Variants in NKAIN3 observed in about 807,000 individuals in gnomAD.
NKAIN3 encodes sodium/potassium-transporting ATPase subunit beta-1-interacting protein 3.
Under a neutral mutation model 30.2 loss-of-function variants are expected in NKAIN3, and 25 were observed. That is an observed-to-expected ratio of 0.83 (90% CI 0.60 to 1.16). NKAIN3 has a LOEUF of 1.16. Among genes scored for constraint, NKAIN3 ranks in the 50% most tolerant of loss-of-function variants. The pLI is 0.00. For synonymous variants in NKAIN3, 91 were observed against 89.6 expected (o/e 1.02, Z -0.09); for missense variants, 225 against 254.1 (o/e 0.89, Z 0.78).
rs965166212 is a variant in NKAIN3 at position 62,856,338 on chromosome 8, C to A, written c.472-62115C>A. ...TTTGATGAGCTTCAGCTTTAACCTG[C>A]TTAGTGCTTGCTTCCTGGTCTCCTT... On this transcript the variant is annotated intron_variant, in intron 4 of 6. Transcript: ENST00000623646. 19 of 918,498 alleles carry A rather than the reference C, an allele frequency of 2.1e-5. No individual in the cohort carries two copies. The Admixed American group carries it at 2.9e-4, about 14-fold the overall frequency. The allele number at this position is 918,498 out of a possible 1,614,324, so 56.9% of individuals were successfully genotyped here.
At chr8:62,771,448 CTT>C (rs1270403960) in intron 4 of NKAIN3, among the ~76,000 whole-genome samples, 9 of 151,800 alleles carry the variant, frequency 5.9e-5, no homozygotes, top group South Asian at 2.1e-4. Context: ...AAGCATTAAA[CTT>C]GAGAAACAGA....
intron 1 of NKAIN3, among the ~76,000 whole-genome samples, chr8:62,407,281 A>ATG (rs931868759): frequency 1.6e-4 from 25 of 151,516 alleles, no homozygotes; most frequent in South Asian, 6.2e-4. Context: ...TTATATGTAT[A>ATG]TGTGTGTATA....
At position 62,966,084 on chromosome 8, in the gene NKAIN3, A is replaced by T; in HGVS notation, c.*677A>T. 1 of 983,956 alleles carries T rather than the reference A, an allele frequency of 1.0e-6. No homozygotes were observed. Among genetic ancestry groups the T allele is most frequent in the South Asian group, 4.7e-5 (1 of 21,230 alleles). The allele number at this position is 983,956 out of a possible 1,614,324, so 61.0% of individuals were successfully genotyped here. A position where few individuals can be genotyped will look rare whatever the true frequency, so the allele number is the denominator to read the frequency against. ...ATGGAAGAGTAAAAGGATTAGTAGA[A>T]CCCCTTTCCCCTTTGGAGGGAATAT... On this transcript the variant is annotated 3_prime_UTR_variant, in exon 7 of 7. Transcript: ENST00000623646.
At chr8:62,347,936 G>A (rs559143299) in intron 1 of NKAIN3, among the ~76,000 whole-genome samples, 28 of 152,152 alleles carry the variant, frequency 1.8e-4, no homozygotes, top group Middle Eastern at 6.8e-3. Flanking sequence ...AAAACACATA[G>A]CATTTAAATA....
intron 3 of NKAIN3, among the ~76,000 whole-genome samples, chr8:62,625,824 C>T (rs1811771522): frequency 1.3e-5 from 2 of 152,092 alleles, no homozygotes; most frequent in South Asian, 4.2e-4. Flanking sequence ...CCACTGTTTT[C>T]CCACCATTCT....
rs576045634 is a variant in NKAIN3 at position 62,268,710 on chromosome 8, G to A, written c.54+19583G>A. ...ATAGGGAAAAGGAGACATCAGTTAA[G>A]TGTTTCACCCAAGGTCACATTGCTG... On this transcript the variant is annotated intron_variant, in intron 1 of 6. Coordinates refer to ENST00000623646, the MANE Select transcript of NKAIN3 (RefSeq NM_001304533.3). Among the ~76,000 whole-genome samples the A allele has an allele frequency of 5.3e-5, 8 of 152,260 alleles. No individual in the cohort carries two copies. The South Asian group carries it at 8.3e-4, about 16-fold the overall frequency.
intron 1 of NKAIN3, among the ~76,000 whole-genome samples, chr8:62,468,754 A>C (rs970841781): frequency 7.9e-5 from 12 of 152,142 alleles, no homozygotes; most frequent in African/African-American, 2.9e-4. Flanking sequence ...TGTTCTTATA[A>C]TTTGAGTTCT....
intron 6 of NKAIN3, among the ~76,000 whole-genome samples, chr8:62,959,196 G>A (rs1469248976): frequency 6.6e-6 from 1 of 152,146 alleles, no homozygotes; most frequent in African/African-American, 2.4e-5. Flanking sequence ...TTTCAGGGTA[G>A]CCCTGCAGCG....
chr8:62,501,551 C>T (rs1807450527), intron 1 of NKAIN3, among the ~76,000 whole-genome samples: 4 of 152,118 alleles, frequency 2.6e-5, no homozygotes, highest in Admixed American at 2.0e-4. Context: ...TCTTGTTGTT[C>T]CTCCTATGGA....
intron 1 of NKAIN3, among the ~76,000 whole-genome samples, chr8:62,301,707 G>A (rs1338764984): frequency 6.6e-6 from 1 of 151,978 alleles, no homozygotes; most frequent in Non-Finnish European, 1.5e-5. Flanking sequence ...TTGTAGGTTT[G>A]GTACACAAAT....
At chr8:62,423,341 C>T (rs541121012) in intron 1 of NKAIN3, among the ~76,000 whole-genome samples, 15 of 151,532 alleles carry the variant, frequency 9.9e-5, no homozygotes, top group East Asian at 1.9e-4. Context: ...ATTTCCAAAC[C>T]GTGCTGTTTC....
rs980699749 is a variant in NKAIN3 at position 62,804,861 on chromosome 8, G to A, written c.471+57732G>A. ...AATTAGGAAAAGAGGAAGTCAAATT[G>A]TCCCTGTTTGCAGAGGACATGATTG... On this transcript the variant is annotated intron_variant, in intron 4 of 6. Transcript: ENST00000623646. 3.3e-5 allele frequency among the ~76,000 whole-genome samples: 5 copies of A among 152,144 alleles called. No homozygotes were observed. The South Asian group carries it at 8.3e-4, about 25-fold the overall frequency.
At chr8:62,446,770 T>TTAGAAG (rs200385069) in intron 1 of NKAIN3, among the ~76,000 whole-genome samples, 4 of 151,972 alleles carry the variant, frequency 2.6e-5, no homozygotes, top group Non-Finnish European at 5.9e-5. Context: ...TCTTCAAGGT[T>TTAGAAG]GTAGAATGTG....
intron 4 of NKAIN3, among the ~76,000 whole-genome samples, chr8:62,815,729 A>G (rs554651243): frequency 2.6e-5 from 4 of 152,282 alleles, no homozygotes; most frequent in African/African-American, 9.6e-5. Flanking sequence ...TCAAAATAAT[A>G]AGAGCTATCT....
intron 4 of NKAIN3, among the ~76,000 whole-genome samples, chr8:62,768,373 G>C (rs899584163): frequency 6.6e-6 from 1 of 152,138 alleles, no homozygotes. Flanking sequence ...TATTTGCATT[G>C]ACAACAGTTG....
At chr8:62,562,577 G>A (rs111976709) in intron 1 of NKAIN3, among the ~76,000 whole-genome samples, 23 of 152,170 alleles carry the variant, frequency 1.5e-4, no homozygotes, top group Admixed American at 2.6e-4. Context: ...AAGCTGCTAC[G>A]TATTTAATTT....
chr8:62,695,790 G>T (rs58717549), intron 3 of NKAIN3, among the ~76,000 whole-genome samples: 3,414 of 152,154 alleles, frequency 0.022, 100 homozygotes, highest in African/African-American at 0.072. Context: ...CAGAATTGTC[G>T]ACTGCGTGAC....
At chr8:62,670,879 G>GCACACACACACACACACACACA (rs57917158) in intron 3 of NKAIN3, among the ~76,000 whole-genome samples, 1 of 141,986 alleles carries the variant, frequency 7.0e-6, no homozygotes, top group Non-Finnish European at 1.5e-5. Context: ...ACACATACAA[G>GCACACACACACACACACACACA]CACACACACA....
intron 4 of NKAIN3, among the ~76,000 whole-genome samples, chr8:62,779,322 A>G (rs1030201509): frequency 6.6e-5 from 10 of 152,100 alleles, no homozygotes; most frequent in Non-Finnish European, 8.8e-5. Flanking sequence ...TGCTTCTTGC[A>G]TTTACTTAGG....
Sources: allele counts gnomAD v4.1 joint callset (sites outside exome capture counted in the v4.1 genomes callset), GRCh38; gene constraint gnomAD v4.1.1; transcripts MANE v1.5; gene names NCBI Gene and HGNC (gene_info 2026-07-23, HGNC 2026-07-21).